Variants in CPXM2 observed in about 807,000 individuals in gnomAD.
CPXM2 encodes the protein inactive carboxypeptidase-like protein X2.
Under a neutral mutation model 86.1 loss-of-function variants are expected in CPXM2, and 66 were observed. The ratio of observed to expected loss-of-function variants is 0.77; its 90% confidence interval spans 0.63 to 0.94. The LOEUF is 0.94. Among genes scored for constraint, CPXM2 ranks in the 40% least tolerant of loss-of-function variants. The pLI, the probability that CPXM2 is intolerant of heterozygous loss-of-function variation, is 0.00. For synonymous variants in CPXM2, 388 were observed against 400.2 expected (o/e 0.97, Z 0.36); for missense variants, 948 against 1,026.3 (o/e 0.92, Z 1.04).
At chr10:123,782,551 C>T (rs1846958795) in intron 6 of CPXM2, among the ~76,000 whole-genome samples, 1 of 152,188 alleles carries the variant, frequency 6.6e-6, no homozygotes, top group Non-Finnish European at 1.5e-5. Flanking sequence ...TGAACAAATA[C>T]TCCCTTACTT....
At chr10:123,876,571 C>T (rs1048086267) in intron 2 of CPXM2, among the ~76,000 whole-genome samples, 6 of 152,066 alleles carry the variant, frequency 3.9e-5, no homozygotes, top group Non-Finnish European at 5.9e-5. Flanking sequence ...TACAGCCCAC[C>T]GCCTGTTTTT....
chr10:123,886,244 A>G (rs1945176085), intron 1 of CPXM2, among the ~76,000 whole-genome samples: 1 of 151,770 alleles, frequency 6.6e-6, no homozygotes, highest in Non-Finnish European at 1.5e-5. Context: ...TGCTTTTTAA[A>G]GTACTTATTG....
intron 3 of CPXM2, among the ~76,000 whole-genome samples, chr10:123,854,359 A>T (rs867714194): frequency 0.011 from 1,293 of 120,062 alleles, 12 homozygotes; most frequent in African/African-American, 0.03. Context: ...TATATATATA[A>T]AAATATATAT....
chr10:123,928,434 G>C (rs1027535368), intron 2 of CPXM2, among the ~76,000 whole-genome samples: 1 of 152,204 alleles, frequency 6.6e-6, no homozygotes, highest in Non-Finnish European at 1.5e-5. Flanking sequence ...CAACACATGT[G>C]GCCACAGCAT....
intron 3 of CPXM2, among the ~76,000 whole-genome samples, chr10:123,852,425 C>T (rs1034455426): frequency 1.1e-4 from 17 of 152,214 alleles, no homozygotes; most frequent in Admixed American, 5.2e-4. Flanking sequence ...CCCTCCATCA[C>T]GCCTATCTTG....
chr10:123,803,353 C>G (rs1847504398), intron 4 of CPXM2, among the ~76,000 whole-genome samples: 1 of 152,024 alleles, frequency 6.6e-6, no homozygotes, highest in African/African-American at 2.4e-5. Context: ...CTCAAGTGAT[C>G]TACCCACCTT....
At chr10:123,862,374 A>G (rs1848868428) in intron 3 of CPXM2, among the ~76,000 whole-genome samples, 1 of 152,228 alleles carries the variant, frequency 6.6e-6, no homozygotes, top group South Asian at 2.1e-4. Flanking sequence ...GTGGAAGAGG[A>G]ACAACCTGGG....
At chr10:123,763,284 C>T (rs1244953779) in intron 10 of CPXM2, among the ~76,000 whole-genome samples, 4 of 152,028 alleles carry the variant, frequency 2.6e-5, no homozygotes, top group East Asian at 1.9e-4. Context: ...GTGATCTGCC[C>T]GCCTCAGCCT....
At chr10:123,779,931 G>A (rs1234219975) in intron 7 of CPXM2, among the ~76,000 whole-genome samples, 1 of 152,112 alleles carries the variant, frequency 6.6e-6, no homozygotes, top group East Asian at 1.9e-4. Context: ...TATTAACTGA[G>A]AAGAACCTGG....
chr10:123,795,347 A>T (rs1422397432), intron 6 of CPXM2, among the ~76,000 whole-genome samples: 1 of 152,194 alleles, frequency 6.6e-6, no homozygotes, highest in Non-Finnish European at 1.5e-5. Context: ...TTATGCATAG[A>T]GTCTTAAAAA....
chr10:123,836,288 T>C (rs1848278395), intron 4 of CPXM2, among the ~76,000 whole-genome samples: 1 of 151,956 alleles, frequency 6.6e-6, no homozygotes, highest in Non-Finnish European at 1.5e-5. Flanking sequence ...GGCCACTGTC[T>C]TCCCCTGCCA....
chr10:123,840,036 G>C (rs1285005533), intron 4 of CPXM2, among the ~76,000 whole-genome samples: 2 of 152,182 alleles, frequency 1.3e-5, no homozygotes, highest in African/African-American at 4.8e-5. Context: ...AATGGAATGT[G>C]AGCTTTATAC....
intron 11 of CPXM2, 139 bp downstream of exon 11, chr10:123,761,733 C>G: frequency 1.3e-6 from 1 of 753,550 alleles, no homozygotes; most frequent in Admixed American, 2.7e-5. Context: ...TAGGAAAGTG[C>G]TGGCAGGTCC....
chr10:123,811,462 G>A (rs56230400), intron 4 of CPXM2, among the ~76,000 whole-genome samples: 8,496 of 152,174 alleles, frequency 0.056, 308 homozygotes, highest in South Asian at 0.081. Context: ...CTACTTAAAT[G>A]TGACAAGCGA....
chr10:123,793,315 T>G (rs1424570296), intron 6 of CPXM2, among the ~76,000 whole-genome samples: 1 of 151,728 alleles, frequency 6.6e-6, no homozygotes, highest in Non-Finnish European at 1.5e-5. Context: ...ATACAAAAAA[T>G]TAGCCGGGTG....
intron 8 of CPXM2, among the ~76,000 whole-genome samples, chr10:123,770,384 A>C (rs1846600289): frequency 6.6e-6 from 1 of 152,254 alleles, no homozygotes; most frequent in East Asian, 1.9e-4. Context: ...AAATCTTTGC[A>C]CCTAAATATC....
intron 6 of CPXM2, among the ~76,000 whole-genome samples, chr10:123,786,904 C>CCTTGGG (rs1847070526): frequency 6.6e-6 from 1 of 152,228 alleles, no homozygotes; most frequent in Non-Finnish European, 1.5e-5. Flanking sequence ...AGGATGTCAT[C>CCTTGGG]ATTTGCCTCA....
intron 2 of CPXM2, among the ~76,000 whole-genome samples, chr10:123,905,983 G>C (rs765918674): frequency 1.1e-4 from 16 of 152,110 alleles, no homozygotes; most frequent in Non-Finnish European, 1.9e-4. Context: ...ACCTCCCGAC[G>C]GTCTGTCCAC....
intron 3 of CPXM2, among the ~76,000 whole-genome samples, chr10:123,860,120 T>C (rs886769572): frequency 1.3e-5 from 2 of 152,002 alleles, no homozygotes; most frequent in East Asian, 1.9e-4. Context: ...CCCAAGGAAA[T>C]AAGTAAATGA....
Sources: gnomAD v4.1 joint callset for allele counts (sites outside exome capture counted in the v4.1 genomes callset) on GRCh38, gnomAD v4.1.1 for gene constraint, MANE v1.5 for transcripts, NCBI Gene and HGNC (gene_info 2026-07-23, HGNC 2026-07-21) for gene names.